ZNF536: variants seen among roughly 807,000 people sequenced by gnomAD.
The protein encoded by ZNF536 is zinc finger protein 536.
Under a neutral mutation model 84.5 loss-of-function variants are expected in ZNF536, and 13 were observed. The observed-to-expected ratio is 0.15, with a 90% confidence interval of 0.10 to 0.24. The LOEUF (loss-of-function observed/expected upper bound fraction) is 0.24, where lower values mean the gene tolerates loss of function less well. ZNF536 is among the 10% of genes least tolerant of loss of function. ZNF536 has a pLI of 1.00. For synonymous variants in ZNF536, 811 were observed against 742.5 expected (o/e 1.09, Z -1.50); for missense variants, 1,536 against 1,747.5 (o/e 0.88, Z 2.16).
intron 1 of ZNF536, among the ~76,000 whole-genome samples, chr19:30,651,893 C>T (rs2049721759): frequency 6.6e-6 from 1 of 152,186 alleles, no homozygotes; most frequent in African/African-American, 2.4e-5. Flanking sequence ...GTGGCTTAAG[C>T]AAGTGGTTCA....
chr19:30,692,158 T>C (rs185589030), intron 1 of ZNF536, among the ~76,000 whole-genome samples: 1 of 152,350 alleles, frequency 6.6e-6, no homozygotes, highest in East Asian at 1.9e-4. Context: ...AGAATTACTG[T>C]TTGTAAGCAT....
chr19:30,354,133 G>A (rs552190648), intron 3 of ZNF536, among the ~76,000 whole-genome samples: 82 of 152,296 alleles, frequency 5.4e-4, no homozygotes, highest in Admixed American at 1.9e-3. Context: ...TGTGTCCTCT[G>A]GGAATGAGAC....
intron 2 of ZNF536, among the ~76,000 whole-genome samples, chr19:30,457,831 A>G (rs2052926813): frequency 6.6e-6 from 1 of 152,178 alleles, no homozygotes; most frequent in Non-Finnish European, 1.5e-5. Context: ...TACCTGCCCC[A>G]CAGGGGCTCT....
chr19:30,670,436 G>A (rs1163605195), intron 1 of ZNF536, among the ~76,000 whole-genome samples: 3 of 152,230 alleles, frequency 2.0e-5, no homozygotes, highest in Non-Finnish European at 4.4e-5. Context: ...CTATAGATCA[G>A]ATGAGAAAAT....
chr19:30,281,587 G>A (rs1249273296), intron 1 of ZNF536, among the ~76,000 whole-genome samples: 1 of 152,212 alleles, frequency 6.6e-6, no homozygotes, highest in African/African-American at 2.4e-5. Flanking sequence ...TGCTGGGAAG[G>A]GAGTCTCCAA....
chr19:30,625,588 CAGAT>C (rs1453827620), intron 1 of ZNF536, among the ~76,000 whole-genome samples: 3 of 152,144 alleles, frequency 2.0e-5, no homozygotes, highest in African/African-American at 4.8e-5. Context: ...GAAGCAGTGT[CAGAT>C]AGGTTTAAAA....
intron 1 of ZNF536, among the ~76,000 whole-genome samples, chr19:30,594,905 C>T (rs538838433): frequency 1.3e-5 from 2 of 152,218 alleles, no homozygotes; most frequent in African/African-American, 4.8e-5. Flanking sequence ...ACCTCTGTCC[C>T]CCAGCTGCCC....
intron 1 of ZNF536, among the ~76,000 whole-genome samples, chr19:30,685,066 C>T (rs1008940312): frequency 6.6e-6 from 1 of 152,146 alleles, no homozygotes; most frequent in African/African-American, 2.4e-5. Flanking sequence ...TCAACAGCTT[C>T]CTCAGATGAT....
chr19:30,324,053 C>A (rs1568331852), intron 2 of ZNF536, among the ~76,000 whole-genome samples: 1 of 151,720 alleles, frequency 6.6e-6, no homozygotes, highest in African/African-American at 2.4e-5. Context: ...TCCATCTATC[C>A]ATGTATCTAC....
At chr19:30,439,033 G>T (rs2051885182) in intron 1 of ZNF536, among the ~76,000 whole-genome samples, 1 of 152,128 alleles carries the variant, frequency 6.6e-6, no homozygotes, top group African/African-American at 2.4e-5. Context: ...TATGTCTGCA[G>T]CTGGATTCAA....
chr19:30,324,980 G>A (rs1335520783), intron 2 of ZNF536, among the ~76,000 whole-genome samples: 1 of 152,160 alleles, frequency 6.6e-6, no homozygotes, highest in African/African-American at 2.4e-5. Context: ...AGGGAAGAAA[G>A]CACCCTCACC....
chr19:30,330,356 C>G (rs914964552), intron 2 of ZNF536, among the ~76,000 whole-genome samples: 1 of 152,174 alleles, frequency 6.6e-6, no homozygotes, highest in African/African-American at 2.4e-5. Flanking sequence ...TTCTTGCACA[C>G]TGGGTTATGT....
At chr19:30,236,749 A>ATG (rs1393253663) in intron 1 of ZNF536, among the ~76,000 whole-genome samples, 13 of 152,168 alleles carry the variant, frequency 8.5e-5, no homozygotes, top group African/African-American at 3.1e-4. Context: ...GGGTCTGGTC[A>ATG]TCTGGTTGGC....
chr19:30,303,852 C>T (rs186866365), intron 2 of ZNF536, among the ~76,000 whole-genome samples: 423 of 152,288 alleles, frequency 2.8e-3, no homozygotes, highest in Non-Finnish European at 4.4e-3. Flanking sequence ...CAGCCACTCA[C>T]CACTCAGGGT....
At chr19:30,294,549 A>ATGTGTG (rs55972417) in intron 2 of ZNF536, among the ~76,000 whole-genome samples, 1,718 of 145,568 alleles carry the variant, frequency 0.012, 8 homozygotes, top group Middle Eastern at 0.017. Flanking sequence ...AGGCCCCAAT[A>ATGTGTG]TGTGTGTGTG....
intron 1 of ZNF536, chr19:30,436,460 A>G: frequency 1.1e-6 from 1 of 927,150 alleles, no homozygotes; most frequent in Middle Eastern, 5.5e-4. Context: ...ACCAGTGTTG[A>G]TTGTAAGAGA....
Position 30,427,582 on chromosome 19 carries a change from C to T in ZNF536, c.-2-15979C>T, listed in dbSNP as rs117854544. ...TATCTCAGCCGGTTGGCTTTCTTGG[C>T]AGGATGGCTGGATGGGTTTTACTAG... is the stretch of plus-strand genomic sequence containing the variant. On this transcript the variant is annotated intron_variant, in intron 1 of 4. Transcript: ENST00000355537. Among the ~76,000 whole-genome samples, 67 of 152,010 alleles carry T rather than the reference C, an allele frequency of 4.4e-4. No individual in the cohort carries two copies. The East Asian group carries it at 0.011, about 26-fold the overall frequency.
chr19:30,421,483 G>A (rs1317363702), intron 1 of ZNF536, among the ~76,000 whole-genome samples: 4 of 152,122 alleles, frequency 2.6e-5, no homozygotes, highest in Admixed American at 2.6e-4. Flanking sequence ...CCAGTTCCTG[G>A]CCTCCTGGGT....
rs181257605 is a variant in ZNF536, at chr19:30,517,848, T to C, written c.2171-16999T>C. ...AAATTTAACACATGAAAACCCTGTG[T>C]GATTAAACCTTTGCATCTCAATTAG... On this transcript the variant is annotated intron_variant, in intron 2 of 4. Transcript: ENST00000355537. Among the ~76,000 whole-genome samples the C allele has an allele frequency of 2.8e-3, 425 of 152,296 alleles. 3 individuals carry two copies. The highest frequency in any genetic ancestry group is 9.5e-3 in the African/African-American group (396 of 41,572).
Sources: gnomAD v4.1 joint callset for allele counts (sites outside exome capture counted in the v4.1 genomes callset) on GRCh38, gnomAD v4.1.1 for gene constraint, MANE v1.5 for transcripts, NCBI Gene and HGNC (gene_info 2026-07-23, HGNC 2026-07-21) for gene names.